ZNF804B: variants seen among roughly 807,000 people sequenced by gnomAD.
The protein encoded by ZNF804B is zinc finger 804B.
Under a neutral mutation model 101.4 loss-of-function variants are expected in ZNF804B, and 80 were observed. That is an observed-to-expected ratio of 0.79 (90% confidence interval 0.66 to 0.95). ZNF804B has a LOEUF of 0.95. ZNF804B is among the 40% of genes least tolerant of loss of function. ZNF804B has a pLI of 0.00. For missense variants in ZNF804B, 1,673 were observed against 1,561.9 expected, an observed-to-expected ratio of 1.07 and a Z score of -1.20; for synonymous variants, 622 against 558.8, an observed-to-expected ratio of 1.11 and a Z score of -1.59.
At chr7:88,835,800 T>C (rs1268180418) in intron 1 of ZNF804B, among the ~76,000 whole-genome samples, 1 of 151,912 alleles carries the variant, frequency 6.6e-6, no homozygotes, top group African/African-American at 2.4e-5. Context: ...TAGTTATTAA[T>C]TATAAGCAAA....
intron 2 of ZNF804B, among the ~76,000 whole-genome samples, chr7:89,252,462 G>A (rs1002168258): frequency 6.6e-6 from 1 of 152,126 alleles, no homozygotes; most frequent in African/African-American, 2.4e-5. Flanking sequence ...AACTACAGTG[G>A]AAAGAAGTTT....
At chr7:89,052,915 AT>A in intron 1 of ZNF804B, among the ~76,000 whole-genome samples, 1 of 152,178 alleles carries the variant, frequency 6.6e-6, no homozygotes, top group Middle Eastern at 3.4e-3. Context: ...GGGCTTTCAC[AT>A]TTTTCTGTCA....
At chr7:89,200,759 A>C (rs567776489) in intron 1 of ZNF804B, among the ~76,000 whole-genome samples, 46 of 152,124 alleles carry the variant, frequency 3.0e-4, no homozygotes, top group African/African-American at 1.1e-3. Flanking sequence ...TGATTTTTAA[A>C]TTGTACTTTA....
chr7:89,153,216 G>GA (rs1790904513), intron 1 of ZNF804B, among the ~76,000 whole-genome samples: 1 of 151,648 alleles, frequency 6.6e-6, no homozygotes, highest in African/African-American at 2.4e-5. Context: ...GAATCATGAG[G>GA]AAAAATGACT....
chr7:89,263,136 G>T (rs916277955), intron 2 of ZNF804B, among the ~76,000 whole-genome samples: 22 of 152,090 alleles, frequency 1.4e-4, no homozygotes, highest in African/African-American at 4.6e-4. Context: ...GAGCCATTCG[G>T]GACACATTAT....
chr7:88,978,293 A>G (rs1474858746), intron 1 of ZNF804B, among the ~76,000 whole-genome samples: 1 of 151,774 alleles, frequency 6.6e-6, no homozygotes, highest in Non-Finnish European at 1.5e-5. Context: ...TTCTGCCTGG[A>G]AAATCTATCC....
chr7:88,794,575 A>G lies in ZNF804B; in HGVS notation c.108+34491A>G, dbSNP rs1469029595. 1.9e-6 allele frequency: 3 copies of G among 1,613,558 alleles called. No individual in the cohort carries two copies. The African/African-American group carries it at 4.0e-5, about 22-fold the overall frequency. Reference sequence around the variant, plus strand: ...AATTTTCATTTGTTGAATAAAAAATACTGTTTCATCTTTGACATGGCCAAT... The same window carrying G: ...AATTTTCATTTGTTGAATAAAAAATGCTGTTTCATCTTTGACATGGCCAAT... On this transcript the variant is annotated intron_variant, in intron 1 of 3. Coordinates refer to ENST00000333190, the MANE Select transcript of ZNF804B (RefSeq NM_181646.5).
intron 1 of ZNF804B, among the ~76,000 whole-genome samples, chr7:88,862,256 GA>G (rs1353477631): frequency 2.6e-5 from 4 of 152,034 alleles, no homozygotes; most frequent in Non-Finnish European, 4.4e-5. Flanking sequence ...AAATTTGGGG[GA>G]AAAAACCCTC....
chr7:89,054,521 C>G, intron 1 of ZNF804B, among the ~76,000 whole-genome samples: 1 of 151,756 alleles, frequency 6.6e-6, no homozygotes. Flanking sequence ...GACCATACCA[C>G]TTCTAAGGAA....
At chr7:89,256,445 T>G (rs1425023290) in intron 2 of ZNF804B, among the ~76,000 whole-genome samples, 1 of 151,412 alleles carries the variant, frequency 6.6e-6, no homozygotes, top group Non-Finnish European at 1.5e-5. Context: ...CATGGGAGAC[T>G]GGGGTAGAAG....
intron 1 of ZNF804B, among the ~76,000 whole-genome samples, chr7:89,160,043 ACTCT>A (rs2116418362): frequency 1.3e-5 from 2 of 152,250 alleles, no homozygotes; most frequent in East Asian, 3.9e-4. Flanking sequence ...TCTACTCATC[ACTCT>A]CTCTTAATCT....
chr7:88,969,569 CAA>C (rs1483900349), intron 1 of ZNF804B, among the ~76,000 whole-genome samples: 6 of 146,396 alleles, frequency 4.1e-5, no homozygotes, highest in Admixed American at 6.9e-5. Flanking sequence ...TCTAGAAAAA[CAA>C]GAGAGAGGAA....
At chr7:88,962,166 G>T (rs965832199) in intron 1 of ZNF804B, among the ~76,000 whole-genome samples, 1 of 151,200 alleles carries the variant, frequency 6.6e-6, no homozygotes, top group Non-Finnish European at 1.5e-5. Context: ...ACCTAAAATG[G>T]TTTATCTCTG....
chr7:88,841,203 G>C (rs1030263299), intron 1 of ZNF804B, among the ~76,000 whole-genome samples: 2 of 152,146 alleles, frequency 1.3e-5, no homozygotes, highest in Non-Finnish European at 2.9e-5. Context: ...CATTGTTTAG[G>C]ATGAATTTGG....
chr7:89,056,011 T>C (rs898844337), intron 1 of ZNF804B, among the ~76,000 whole-genome samples: 3 of 152,110 alleles, frequency 2.0e-5, no homozygotes, highest in East Asian at 3.9e-4. Flanking sequence ...GGAAAGAAGC[T>C]TTCTTGGTCA....
At chr7:88,843,264 T>C (rs1791313880) in intron 1 of ZNF804B, among the ~76,000 whole-genome samples, 1 of 152,188 alleles carries the variant, frequency 6.6e-6, no homozygotes, top group African/African-American at 2.4e-5. Flanking sequence ...ATTCCTCATG[T>C]AATTATGAGG....
At chr7:88,859,203 T>TTG (rs1371955153) in intron 1 of ZNF804B, among the ~76,000 whole-genome samples, 2 of 151,546 alleles carry the variant, frequency 1.3e-5, no homozygotes, top group African/African-American at 2.4e-5. Context: ...ATGTGTGTGT[T>TTG]TGTGTGTGTG....
At position 89,336,407 on chromosome 7, in the gene ZNF804B, C is replaced by A. The variant is rs11977547; in HGVS notation, c.3425C>A (p.Pro1142His). Residue 1142 changes from proline to histidine, a missense_variant, in exon 4 of 4, where the codon CCT becomes CAT. Transcript: ENST00000333190. ...LEMCHKSISP[P>H]LIQQPITFSP... ...ATGTGTCATAAATCTATCTCTCCCCCTTTAATTCAACAGCCCATAACATTT... is the reference window on the plus strand; with the variant it reads ...ATGTGTCATAAATCTATCTCTCCCCATTTAATTCAACAGCCCATAACATTT... 1.2e-6 allele frequency: 2 copies of A among 1,614,064 alleles called. No individual in the cohort carries two copies. Among genetic ancestry groups the A allele is most frequent in the Admixed American group, 3.3e-5 (2 of 59,992 alleles).
At chr7:88,813,423 T>TTA (rs1554336864) in intron 1 of ZNF804B, among the ~76,000 whole-genome samples, 36 of 135,694 alleles carry the variant, frequency 2.7e-4, no homozygotes, top group African/African-American at 8.9e-4. Flanking sequence ...AGACTCCATC[T>TTA]AAAAAAAAAA....
Sources: allele counts gnomAD v4.1 joint callset (sites outside exome capture counted in the v4.1 genomes callset), GRCh38; gene constraint gnomAD v4.1.1; transcripts MANE v1.5; gene names NCBI Gene and HGNC (gene_info 2026-07-23, HGNC 2026-07-21).